PRDM5: variants seen among roughly 807,000 people sequenced by gnomAD.
PRDM5 encodes the protein PR domain zinc finger protein 5.
A neutral mutation model predicts 81.2 loss-of-function variants in PRDM5; 56 were observed. The observed-to-expected ratio is 0.69, with a 90% confidence interval of 0.56 to 0.86. The LOEUF (loss-of-function observed/expected upper bound fraction) is 0.86, where lower values mean the gene tolerates loss of function less well. Ranked by LOEUF, PRDM5 falls within the 40% of genes least tolerant of loss-of-function variation. The pLI, the probability that PRDM5 is intolerant of heterozygous loss-of-function variation, is 0.00. For synonymous variants in PRDM5, 267 were observed against 256.4 expected (o/e 1.04, Z -0.39); for missense variants, 697 against 770.1 (o/e 0.91, Z 1.12).
intron 2 of PRDM5, among the ~76,000 whole-genome samples, chr4:120,889,690 G>A (rs541566898): frequency 1.3e-5 from 2 of 152,226 alleles, no homozygotes; most frequent in South Asian, 4.2e-4. Flanking sequence ...TGGGAAATAA[G>A]CATAGTATAC....
intron 15 of PRDM5, among the ~76,000 whole-genome samples, chr4:120,706,019 A>T (rs1490945755): frequency 6.6e-6 from 1 of 152,212 alleles, no homozygotes; most frequent in Non-Finnish European, 1.5e-5. Context: ...AAAGGCAGGA[A>T]TTACAGGGTG....
chr4:120,837,736 T>C (rs528035738), intron 3 of PRDM5: 2 of 152,242 alleles, frequency 1.3e-5, no homozygotes, highest in Non-Finnish European at 2.9e-5. Context: ...AAAAGCCTAG[T>C]TGAGTTTACA....
intron 2 of PRDM5, among the ~76,000 whole-genome samples, chr4:120,883,846 A>G (rs1288458789): frequency 2.0e-5 from 3 of 152,222 alleles, no homozygotes; most frequent in Non-Finnish European, 2.9e-5. Context: ...TGAAATATAT[A>G]AAATATTCAA....
At chr4:120,844,679 G>A (rs992138099) in intron 3 of PRDM5, among the ~76,000 whole-genome samples, 6 of 152,070 alleles carry the variant, frequency 3.9e-5, no homozygotes, top group African/African-American at 1.4e-4. Flanking sequence ...ACTGAAATGA[G>A]GTCAATTAAT....
intron 13 of PRDM5, among the ~76,000 whole-genome samples, chr4:120,771,513 T>C (rs954696103): frequency 1.3e-5 from 2 of 152,146 alleles, no homozygotes; most frequent in Non-Finnish European, 2.9e-5. Flanking sequence ...ATCAGAAACA[T>C]AGCCATCTAA....
At position 120,701,966 on chromosome 4, in the gene PRDM5, A is replaced by G. The variant is rs538364001; in HGVS notation, c.1729-6691T>C. On this transcript the variant is annotated intron_variant, in intron 15 of 15. Transcript: ENST00000264808. ...GCAATAGCCAGCTTCATCATCCTCA[A>G]ATAGAGGTGGTACAACTTCCCCTCT... 2.5e-4 allele frequency among the ~76,000 whole-genome samples: 38 copies of G among 152,324 alleles called. 1 individual carries two copies. In the East Asian group the frequency reaches 3.7e-3, roughly 15 times the overall value.
chr4:120,802,329 C>T (rs542700634), intron 8 of PRDM5, among the ~76,000 whole-genome samples: 11 of 152,306 alleles, frequency 7.2e-5, no homozygotes, highest in African/African-American at 1.2e-4. Context: ...GTGTGAGCGA[C>T]GCAGAAGATG....
chr4:120,863,747 T>G (rs553125770), intron 2 of PRDM5, among the ~76,000 whole-genome samples: 1 of 152,206 alleles, frequency 6.6e-6, no homozygotes, highest in Non-Finnish European at 1.5e-5. Flanking sequence ...AATTATTGCC[T>G]TATAAATTGG....
chr4:120,740,800 G>A (rs904967895), intron 14 of PRDM5, among the ~76,000 whole-genome samples: 11 of 152,156 alleles, frequency 7.2e-5, no homozygotes, highest in Admixed American at 1.3e-4. Context: ...AGATAGAACT[G>A]ATAATGTCAC....
At chr4:120,902,767 C>G (rs1389315296) in intron 2 of PRDM5, among the ~76,000 whole-genome samples, 1 of 152,158 alleles carries the variant, frequency 6.6e-6, no homozygotes, top group Non-Finnish European at 1.5e-5. Flanking sequence ...ACCTGATGGC[C>G]AATACAGAAA....
intron 14 of PRDM5, among the ~76,000 whole-genome samples, chr4:120,750,807 G>C (rs1332086069): frequency 6.6e-6 from 1 of 151,886 alleles, no homozygotes; most frequent in Non-Finnish European, 1.5e-5. Flanking sequence ...TCAAGAGATA[G>C]AATAGTCAAA....
At chr4:120,840,000 C>T (rs963670914) in intron 3 of PRDM5, among the ~76,000 whole-genome samples, 8 of 152,308 alleles carry the variant, frequency 5.3e-5, no homozygotes, top group Non-Finnish European at 1.0e-4. Context: ...TCAGAGTAGG[C>T]GCTGACAGCT....
At position 120,766,297 on chromosome 4, in the gene PRDM5, C is replaced by T. The variant is rs1033768647; in HGVS notation, c.1537+10891G>A. On this transcript the variant is annotated intron_variant, in intron 13 of 15. Transcript: ENST00000264808. Reference sequence around the variant, plus strand: ...TTCCATTTATCAGAGATGAGGAAACCAAGCTTCAAGGAAATTAGCCAACTC... The same window carrying T: ...TTCCATTTATCAGAGATGAGGAAACTAAGCTTCAAGGAAATTAGCCAACTC... Among the ~76,000 whole-genome samples, 3 of 152,212 alleles carry T rather than the reference C, an allele frequency of 2.0e-5. No individual in the cohort carries two copies. In the South Asian group the frequency reaches 6.2e-4, roughly 32 times the overall value.
Position 120,816,887 on chromosome 4 carries a change from A to G in PRDM5, c.688T>C (p.Ser230Pro). Residue 230 changes from serine to proline, a missense_variant, in exon 6 of 16, where the codon TCT becomes CCT. Ser to Pro is a moderately conservative substitution (Grantham distance 74). Transcript: ENST00000264808. Reference protein sequence around the residue: ...QCTAKSSLKESSRSFQCSVCN... With the variant: ...QCTAKSSLKEPSRSFQCSVCN... Reference sequence around the variant, plus strand: ...ACAGAGCACTGAAAACTTCGCGAAGACTCCTTTAGACTGCTTTTCGCTGTG... The same window carrying G: ...ACAGAGCACTGAAAACTTCGCGAAGGCTCCTTTAGACTGCTTTTCGCTGTG... The G allele has an allele frequency of 6.2e-7, 1 of 1,613,692 alleles. No individual in the cohort carries two copies. Among genetic ancestry groups the G allele is most frequent in the Non-Finnish European group, 8.5e-7 (1 of 1,179,652 alleles).
At chr4:120,849,051 A>G (rs1417231265) in intron 3 of PRDM5, among the ~76,000 whole-genome samples, 1 of 152,190 alleles carries the variant, frequency 6.6e-6, no homozygotes, top group Non-Finnish European at 1.5e-5. Flanking sequence ...GGAAAGATAG[A>G]GAACTGGAAA....
At chr4:120,847,609 TTACAAATTGTATAAAATCA>T (rs1758803873) in intron 3 of PRDM5, among the ~76,000 whole-genome samples, 1 of 152,196 alleles carries the variant, frequency 6.6e-6, no homozygotes, top group Non-Finnish European at 1.5e-5. Flanking sequence ...TTCCTGACCC[TTACAAATTGTATAAAATCA>T]TACTGCATGT....
At chr4:120,849,936 GATT>G (rs1759074218) in intron 3 of PRDM5, among the ~76,000 whole-genome samples, 1 of 152,024 alleles carries the variant, frequency 6.6e-6, no homozygotes, top group Non-Finnish European at 1.5e-5. Flanking sequence ...ACAGTTAAAT[GATT>G]ATTCTGAAAA....
At chr4:120,817,439 A>T (rs1364778179) in intron 5 of PRDM5, among the ~76,000 whole-genome samples, 2 of 152,194 alleles carry the variant, frequency 1.3e-5, no homozygotes, top group Non-Finnish European at 2.9e-5. Flanking sequence ...TTTCTTGCTC[A>T]TAAGTAAGGT....
intron 15 of PRDM5, among the ~76,000 whole-genome samples, chr4:120,701,582 A>G: frequency 6.6e-6 from 1 of 152,240 alleles, no homozygotes; most frequent in East Asian, 1.9e-4. Flanking sequence ...ATACAGGAAC[A>G]GAAAACCAAA....
Sources: allele counts gnomAD v4.1 joint callset (sites outside exome capture counted in the v4.1 genomes callset), GRCh38; gene constraint gnomAD v4.1.1; transcripts MANE v1.5; gene names NCBI Gene and HGNC (gene_info 2026-07-23, HGNC 2026-07-21).